Variants in KHDRBS3 observed in about 807,000 individuals in gnomAD.
The protein encoded by KHDRBS3 is KH domain-containing, RNA-binding, signal transduction-associated protein 3.
Under a neutral mutation model 45.6 loss-of-function variants are expected in KHDRBS3, and 23 were observed. That is an observed-to-expected ratio of 0.50 (90% confidence interval 0.36 to 0.72). The LOEUF (loss-of-function observed/expected upper bound fraction) is 0.72, where lower values mean the gene tolerates loss of function less well. Among genes scored for constraint, KHDRBS3 ranks in the 30% least tolerant of loss-of-function variants. The pLI is 0.00. For synonymous variants in KHDRBS3, 162 were observed against 156.5 expected, an observed-to-expected ratio of 1.04 and a Z score of -0.26; for missense variants, 352 against 424.8, an observed-to-expected ratio of 0.83 and a Z score of 1.51.
chr8:135,654,205 T>G (rs942781737), intron 4 of KHDRBS3, among the ~76,000 whole-genome samples: 4 of 152,224 alleles, frequency 2.6e-5, no homozygotes, highest in African/African-American at 9.6e-5. Context: ...TTTTATTGGC[T>G]GAATATTTAT....
intron 2 of KHDRBS3, 56 bp downstream of exon 2, chr8:135,521,411 A>G (rs1824901804): frequency 1.1e-6 from 1 of 932,794 alleles, no homozygotes; most frequent in Non-Finnish European, 1.7e-6. Context: ...AGGGGAGCAG[A>G]TGTTTAATTT....
chr8:135,532,871 T>C (rs1825550040), intron 2 of KHDRBS3, among the ~76,000 whole-genome samples: 1 of 152,024 alleles, frequency 6.6e-6, no homozygotes, highest in Non-Finnish European at 1.5e-5. Context: ...TATCCTGAAG[T>C]GAAAGGGGCT....
intron 1 of KHDRBS3, among the ~76,000 whole-genome samples, chr8:135,493,853 A>G (rs550336852): frequency 5.9e-5 from 9 of 152,278 alleles, no homozygotes; most frequent in South Asian, 4.1e-4. Flanking sequence ...TTATCATTCT[A>G]TCTTACATGA....
intron 1 of KHDRBS3, among the ~76,000 whole-genome samples, chr8:135,488,757 AG>A (rs1563716120): frequency 6.6e-6 from 1 of 152,274 alleles, no homozygotes; most frequent in African/African-American, 2.4e-5. Flanking sequence ...GCTACTAAAC[AG>A]CATCCATGAT....
chr8:135,614,269 T>C (rs931708003), intron 7 of KHDRBS3, among the ~76,000 whole-genome samples: 1 of 151,816 alleles, frequency 6.6e-6, no homozygotes, highest in Non-Finnish European at 1.5e-5. Context: ...ATAGCTAGTA[T>C]AGTGAATCAA....
intron 2 of KHDRBS3, among the ~76,000 whole-genome samples, chr8:135,531,588 A>G (rs1029246176): frequency 3.9e-5 from 6 of 152,174 alleles, no homozygotes; most frequent in Non-Finnish European, 8.8e-5. Context: ...AGGGGAAAGG[A>G]TAAATTTTAC....
intron 2 of KHDRBS3, among the ~76,000 whole-genome samples, chr8:135,535,875 C>G (rs989869950): frequency 2.0e-5 from 3 of 152,124 alleles, no homozygotes; most frequent in African/African-American, 7.2e-5. Flanking sequence ...CCTTAAACAC[C>G]GATTCCTCCT....
At chr8:135,484,828 G>T (rs1055747908) in intron 1 of KHDRBS3, among the ~76,000 whole-genome samples, 7 of 152,140 alleles carry the variant, frequency 4.6e-5, no homozygotes, top group African/African-American at 1.7e-4. Context: ...CCCTTAGAAA[G>T]TTCTCCTTTC....
intron 6 of KHDRBS3, among the ~76,000 whole-genome samples, chr8:135,590,031 T>C (rs1350657737): frequency 6.6e-6 from 1 of 152,220 alleles, no homozygotes; most frequent in Non-Finnish European, 1.5e-5. Context: ...ACAAAGGAGA[T>C]ACATCCTGAG....
chr8:135,461,137 C>G lies in KHDRBS3; in HGVS notation c.88+3183C>G, dbSNP rs1286053281. 2.0e-5 allele frequency among the ~76,000 whole-genome samples: 3 copies of G among 152,140 alleles called. No individual in the cohort carries two copies. In the East Asian group the frequency reaches 5.8e-4, roughly 29 times the overall value. ...TTTTTTTGAGACGAAGTTGCCCAGG[C>G]TCTGTTGCCCAGGCTAGAGTGCAGT... On this transcript the variant is annotated intron_variant, in intron 1 of 8. Coordinates refer to ENST00000355849, the MANE Select transcript of KHDRBS3 (RefSeq NM_006558.3).
At chr8:135,642,777 T>C (rs1463174688) in intron 7 of KHDRBS3, among the ~76,000 whole-genome samples, 2 of 151,308 alleles carry the variant, frequency 1.3e-5, no homozygotes, top group Non-Finnish European at 2.9e-5. Flanking sequence ...TAAGGAATAT[T>C]CCGGTCCAGG....
At chr8:135,519,807 C>T (rs896770786) in intron 1 of KHDRBS3, among the ~76,000 whole-genome samples, 11 of 152,106 alleles carry the variant, frequency 7.2e-5, no homozygotes, top group Admixed American at 2.6e-4. Flanking sequence ...TCATTTAGTT[C>T]GAAATGGGAG....
At chr8:135,560,208 A>G (rs531692903) in intron 5 of KHDRBS3, among the ~76,000 whole-genome samples, 2 of 152,246 alleles carry the variant, frequency 1.3e-5, no homozygotes, top group East Asian at 3.9e-4. Flanking sequence ...TCTTATGATG[A>G]ACACTATATG....
At chr8:135,582,780 A>G (rs1828279445) in intron 6 of KHDRBS3, among the ~76,000 whole-genome samples, 1 of 152,236 alleles carries the variant, frequency 6.6e-6, no homozygotes, top group East Asian at 1.9e-4. Flanking sequence ...AGCAGTAACA[A>G]TGATAAAATG....
chr8:135,603,944 GT>G (rs66761097), intron 6 of KHDRBS3, among the ~76,000 whole-genome samples: 129,830 of 150,746 alleles, frequency 0.86, 55,960 homozygotes, highest in East Asian at 0.99. Flanking sequence ...TTGTTCAAAT[GT>G]TTTTTTTTTC....
At chr8:135,586,905 C>A (rs188024938) in intron 6 of KHDRBS3, among the ~76,000 whole-genome samples, 50 of 152,210 alleles carry the variant, frequency 3.3e-4, no homozygotes, top group African/African-American at 1.1e-3. Context: ...TAAAATCCTG[C>A]CACAATAGCT....
intron 1 of KHDRBS3, among the ~76,000 whole-genome samples, chr8:135,497,744 T>A (rs1823530792): frequency 6.6e-6 from 1 of 152,198 alleles, no homozygotes; most frequent in Non-Finnish European, 1.5e-5. Flanking sequence ...GTTATTTAAT[T>A]TTTTTCAGTA....
intron 1 of KHDRBS3, among the ~76,000 whole-genome samples, chr8:135,492,532 T>TAC (rs1003791733): frequency 1.3e-5 from 2 of 150,000 alleles, no homozygotes; most frequent in Non-Finnish European, 3.0e-5. Flanking sequence ...TATATATATA[T>TAC]ATTTCCTCTA....
intron 5 of KHDRBS3, among the ~76,000 whole-genome samples, chr8:135,578,922 T>A (rs1190154392): frequency 6.6e-6 from 1 of 152,234 alleles, no homozygotes; most frequent in African/African-American, 2.4e-5. Flanking sequence ...TTTTGTTAAA[T>A]TTGTACCAAA....
Sources: allele counts gnomAD v4.1 joint callset (sites outside exome capture counted in the v4.1 genomes callset), GRCh38; gene constraint gnomAD v4.1.1; transcripts MANE v1.5; gene names NCBI Gene and HGNC (gene_info 2026-07-23, HGNC 2026-07-21).